The following LPCAT2 variants were observed in gnomAD, a reference collection of about 807,000 sequenced individuals.
LPCAT2 encodes the protein lysophosphatidylcholine acyltransferase 2.
LPCAT2 carries 58 observed loss-of-function variants against 64.7 expected under a neutral mutation model. The ratio of observed to expected loss-of-function variants is 0.90; its 90% CI spans 0.73 to 1.12. LPCAT2 has a LOEUF of 1.12. LPCAT2 is among the 50% of genes most tolerant of loss of function. The probability of loss-of-function intolerance (pLI) is 0.00; values close to 1 mark genes in which losing one functional copy is unlikely to be tolerated. For missense variants in LPCAT2, 579 were observed against 669.8 expected (o/e 0.86, Z 1.50); for synonymous variants, 252 against 245.3 (o/e 1.03, Z -0.26).
chr16:55,584,931 G>T lies in LPCAT2; in HGVS notation c.*1833G>T, dbSNP rs1420947546. 1 of 152,084 alleles carries T rather than the reference G, an allele frequency of 6.6e-6. No individual in the cohort carries two copies. The highest frequency in any genetic ancestry group is 1.5e-5 in the Non-Finnish European group (1 of 67,990). 9.4% of individuals were successfully genotyped at this position (152,084 alleles called of 1,614,324 possible). ...ATTTTTATCAGAGTGTCTGTCATAT[G>T]CAATGAATGTATGTAATACTAAAAA... On this transcript the variant is annotated 3_prime_UTR_variant, in exon 14 of 14. Transcript: ENST00000262134.
Position 55,549,405 on chromosome 16 carries a change from A to T in LPCAT2, c.1061+3A>T. On this transcript the variant is annotated splice_donor_region_variant and intron_variant, in intron 10 of 13. Coordinates refer to ENST00000262134, the MANE Select transcript of LPCAT2 (RefSeq NM_017839.5). ...ACTAAAATTAGCCGAAAATTGAAGT[A>T]AGTGTATTTTAAAATGACTACACTT... 6.3e-7 allele frequency: 1 copy of T among 1,585,478 alleles called. No individual in the cohort carries two copies. The highest frequency in any genetic ancestry group is 8.5e-7 in the Non-Finnish European group (1 of 1,172,126).
intron 11 of LPCAT2, among the ~76,000 whole-genome samples, chr16:55,568,072 T>A (rs1407353001): frequency 6.6e-6 from 1 of 152,182 alleles, no homozygotes; most frequent in Non-Finnish European, 1.5e-5. Context: ...TAAGCAGTTT[T>A]ATATAAGGGT....
intron 2 of LPCAT2, 98 bp from the exon 3 acceptor site, chr16:55,528,279 C>T (rs1963200492): frequency 1.2e-6 from 1 of 832,632 alleles, no homozygotes; most frequent in African/African-American, 1.7e-5. Flanking sequence ...ATATGAAATA[C>T]TCTGACATGT....
chr16:55,548,187 T>A (rs1324399510), intron 9 of LPCAT2, among the ~76,000 whole-genome samples: 1 of 152,240 alleles, frequency 6.6e-6, no homozygotes, highest in South Asian at 2.1e-4. Context: ...TATTTGTGAA[T>A]AAAAATTTAG....
rs992787049 is a variant in LPCAT2 at position 55,566,985 on chromosome 16, G to C, written c.1216-7646G>C. ...CAGTGTGGAGGCCTCAGAAAGTGAG[G>C]AAGTTAGGCGATTTCGGCAACAATT... On this transcript the variant is annotated intron_variant, in intron 11 of 13. Transcript: ENST00000262134. 15 of 1,613,772 alleles carry C rather than the reference G, an allele frequency of 9.3e-6. No homozygotes were observed. In the Admixed American group the frequency reaches 2.2e-4, roughly 23 times the overall value.
At chr16:55,536,749 T>C (rs1963329044) in intron 7 of LPCAT2, among the ~76,000 whole-genome samples, 4 of 152,212 alleles carry the variant, frequency 2.6e-5, no homozygotes. Flanking sequence ...AATTGTCTAA[T>C]GAGACTAAAC....
intron 11 of LPCAT2, among the ~76,000 whole-genome samples, chr16:55,563,988 A>G (rs1963664542): frequency 6.6e-6 from 1 of 151,942 alleles, no homozygotes. Context: ...CACAGAACTA[A>G]TTAAGGGACT....
At chr16:55,580,735 G>C (rs966633988) in intron 13 of LPCAT2, among the ~76,000 whole-genome samples, 1 of 152,166 alleles carries the variant, frequency 6.6e-6, no homozygotes, top group Non-Finnish European at 1.5e-5. Flanking sequence ...CATTAGGAAC[G>C]GAGTTACACA....
chr16:55,567,316 A>C, intron 11 of LPCAT2: 1 of 1,613,654 alleles, frequency 6.2e-7, no homozygotes, highest in African/African-American at 1.3e-5. Flanking sequence ...CAGCTAAATG[A>C]ACAACTTTAC....
intron 1 of LPCAT2, among the ~76,000 whole-genome samples, chr16:55,513,727 G>T (rs1415050917): frequency 6.6e-6 from 1 of 152,138 alleles, no homozygotes; most frequent in African/African-American, 2.4e-5. Flanking sequence ...CCAGCAACCT[G>T]TCAGCCACTA....
chr16:55,574,773 C>A, intron 12 of LPCAT2, 44 bp downstream of exon 12: 2 of 1,324,094 alleles, frequency 1.5e-6, no homozygotes, highest in South Asian at 1.2e-5. Context: ...GCCTTGTAAA[C>A]AAGTGTTGAC....
intron 1 of LPCAT2, among the ~76,000 whole-genome samples, chr16:55,522,639 G>T (rs758784602): frequency 2.6e-5 from 4 of 151,662 alleles, no homozygotes; most frequent in Non-Finnish European, 4.4e-5. Flanking sequence ...TAGATCAACA[G>T]ATCAATGCAA....
chr16:55,534,801 T>C (rs1054261710), intron 7 of LPCAT2, among the ~76,000 whole-genome samples: 3 of 152,186 alleles, frequency 2.0e-5, no homozygotes, highest in African/African-American at 4.8e-5. Context: ...TTTATTTCCA[T>C]TGCAGATTTG....
intron 2 of LPCAT2, among the ~76,000 whole-genome samples, chr16:55,527,572 G>A (rs1281091494): frequency 6.6e-6 from 1 of 150,652 alleles, no homozygotes; most frequent in Admixed American, 6.6e-5. Context: ...TTCACATACT[G>A]AGATATCCCT....
intron 13 of LPCAT2, 147 bp from the exon 14 acceptor site, chr16:55,582,767 T>A: frequency 1.7e-6 from 1 of 591,100 alleles, no homozygotes; most frequent in Non-Finnish European, 3.0e-6. Context: ...CCAAAGTGGT[T>A]GTACAACTTA....
At chr16:55,554,709 G>T (rs1483404915) in intron 11 of LPCAT2, among the ~76,000 whole-genome samples, 3 of 152,142 alleles carry the variant, frequency 2.0e-5, no homozygotes, top group African/African-American at 7.2e-5. Context: ...CTAGCTTTTG[G>T]CCTGTCTGGG....
chr16:55,571,564 C>T (rs11647464), intron 11 of LPCAT2, among the ~76,000 whole-genome samples: 67,293 of 151,938 alleles, frequency 0.44, 14,969 homozygotes, highest in South Asian at 0.48. Flanking sequence ...GGAGGGATTA[C>T]GGCCTCCCTC....
intron 1 of LPCAT2, among the ~76,000 whole-genome samples, chr16:55,519,649 C>CTT (rs548467181): frequency 3.4e-4 from 52 of 152,000 alleles, no homozygotes; most frequent in African/African-American, 1.2e-3. Flanking sequence ...TGATATAAAA[C>CTT]TTTTTTCTTT....
At chr16:55,530,736 G>A (rs1963242075) in intron 4 of LPCAT2, among the ~76,000 whole-genome samples, 2 of 152,218 alleles carry the variant, frequency 1.3e-5, no homozygotes, top group South Asian at 2.1e-4. Flanking sequence ...GGCATTGGGA[G>A]TAGGGTTTGA....
Sources: gnomAD v4.1 joint callset for allele counts (sites outside exome capture counted in the v4.1 genomes callset) on GRCh38, gnomAD v4.1.1 for gene constraint, MANE v1.5 for transcripts, NCBI Gene and HGNC (gene_info 2026-07-23, HGNC 2026-07-21) for gene names.